KDM6B: variants seen among roughly 807,000 people sequenced by gnomAD.
KDM6B encodes lysine demethylase 6B, also known as lysine-specific demethylase 6B.
Under a neutral mutation model 150.4 loss-of-function variants are expected in KDM6B, and 22 were observed. The ratio of observed to expected loss-of-function variants is 0.15; its 90% CI spans 0.10 to 0.21. KDM6B has a LOEUF of 0.21. Ranked by LOEUF, KDM6B falls within the 10% of genes least tolerant of loss-of-function variation. The probability of loss-of-function intolerance (pLI) is 1.00; values close to 1 mark genes in which losing one functional copy is unlikely to be tolerated. For synonymous variants in KDM6B, 1,148 were observed against 921.1 expected, an observed-to-expected ratio of 1.25 and a Z score of -4.46; for missense variants, 1,984 against 2,234.3, an observed-to-expected ratio of 0.89 and a Z score of 2.26.
At chr17:7,853,156 G>A (rs774684578) in intron 22 of KDM6B, 30 bp downstream of exon 22, 2 of 1,614,058 alleles carry the variant, frequency 1.2e-6, no homozygotes, top group East Asian at 4.5e-5. Flanking sequence ...TGCTCTCCCT[G>A]AGTGTCCACA....
At chr17:7,835,821 C>G (rs775722559) in intron 1 of KDM6B, among the ~76,000 whole-genome samples, 4 of 151,890 alleles carry the variant, frequency 2.6e-5, no homozygotes, top group Non-Finnish European at 5.9e-5. Context: ...CCCCTCCCCT[C>G]GTGGAGTCTG....
chr17:7,847,831 G>GGCC lies in KDM6B; in HGVS notation c.1543_1544insGCC (p.Ala515delinsGlyPro). ...TGGGACTGAGGGACCCCCCCGCCCT[G>GGCC]CCCCACCACCCCTCCCCCATCGCGA... On this transcript the variant is annotated protein_altering_variant, in exon 12 of 24. Transcript: ENST00000448097. 3.4e-6 allele frequency: 3 copies of GGCC among 880,398 alleles called. No individual in the cohort carries two copies. Among genetic ancestry groups the GGCC allele is most frequent in the Non-Finnish European group, 4.4e-6 (3 of 676,906 alleles). The allele number at this position is 880,398 out of a possible 1,614,324, so 54.5% of individuals were successfully genotyped here.
At chr17:7,852,391 G>C in intron 20 of KDM6B, 55 bp downstream of exon 20, 1 of 1,599,278 alleles carries the variant, frequency 6.3e-7, no homozygotes, top group Non-Finnish European at 8.5e-7. Flanking sequence ...GCAAGGGCCT[G>C]GGAGGCTGGG....
intron 2 of KDM6B, chr17:7,840,719 G>C (rs1268480274): frequency 1.3e-5 from 2 of 152,170 alleles, no homozygotes; most frequent in Admixed American, 6.5e-5. Context: ...GGGGTTTCTC[G>C]AGTGGGACTG....
At chr17:7,834,720 A>G (rs1361060688) in intron 1 of KDM6B, among the ~76,000 whole-genome samples, 1 of 152,034 alleles carries the variant, frequency 6.6e-6, no homozygotes, top group Admixed American at 6.5e-5. Context: ...TGGCCCAGTA[A>G]GGTCAGATGT....
chr17:7,845,689 C>A lies in KDM6B; in HGVS notation c.135C>A (p.Gly45=). The A allele has an allele frequency of 6.2e-7, 1 of 1,614,136 alleles. No individual in the cohort carries two copies. Among genetic ancestry groups the A allele is most frequent in the Non-Finnish European group, 8.5e-7 (1 of 1,180,010 alleles). The change falls in exon 5 of 24, where the codon GGC becomes GGA. Residue 45 remains glycine, a splice_region_variant and synonymous_variant. Coordinates refer to ENST00000448097, the MANE Select transcript of KDM6B (RefSeq NM_001348716.2). The part of the protein sequence containing the change: ...PPPRSAWLPG[G]RCSASIGQPP... ...CTCGTAGCGCATGGCTGCCTGGAGGCAGGTGAGAAGTTGGGGCCCTCTGTC... is the reference window on the plus strand; with the variant it reads ...CTCGTAGCGCATGGCTGCCTGGAGGAAGGTGAGAAGTTGGGGCCCTCTGTC...
At chr17:7,835,271 G>T (rs914082693) in intron 1 of KDM6B, among the ~76,000 whole-genome samples, 6 of 152,220 alleles carry the variant, frequency 3.9e-5, no homozygotes, top group African/African-American at 1.4e-4. Context: ...GCTAAGCGAC[G>T]TAGATTCGCT....
Position 7,846,752 on chromosome 17 carries a change from G to A in KDM6B, c.711+12G>A. The stretch of plus-strand genomic sequence containing the variant: ...GCAACTCTGAACAGGTGTGGGTATA[G>A]GGGGGCCAGCAGGCAGTAAGTAGGC... On this transcript the variant is annotated intron_variant, in intron 9 of 23. Transcript: ENST00000448097. The A allele has an allele frequency of 6.2e-7, 1 of 1,613,964 alleles. No individual in the cohort carries two copies. The highest frequency in any genetic ancestry group is 8.5e-7 in the Non-Finnish European group (1 of 1,179,910).
In KDM6B at chr17:7,851,741, C is replaced by T. The variant is rs953376225; in HGVS notation, c.4110C>T (p.Ile1370=). 6.4e-7 allele frequency: 1 copy of T among 1,557,386 alleles called. No homozygotes were observed. ...TGCTGAGCCACGTGGGCCACACCAT[C>T]CTGGGCATGAACACGGTGCAGCTGT... The part of the protein sequence containing the change: ...GNMLSHVGHT[I]LGMNTVQLYM... The change falls in exon 18 of 24, where the codon ATC becomes ATT. Residue 1370 remains isoleucine, a synonymous_variant. Coordinates refer to ENST00000448097, the MANE Select transcript of KDM6B (RefSeq NM_001348716.2).
rs1038822795 is a variant in KDM6B, at chr17:7,854,265, T to A, written c.*744T>A. The A allele has an allele frequency of 1.3e-5, 2 of 152,674 alleles. No homozygotes were observed. The highest frequency in any genetic ancestry group is 1.9e-4 in the East Asian group (1 of 5,152). The allele number at this position is 152,674 out of a possible 1,614,324, so 9.5% of individuals were successfully genotyped here. ...GCCCGCGGCTCCAGCCGGGTTCTCA[T>A]GGTGCTCAAACCCGCTCCCCTCCCC... On this transcript the variant is annotated 3_prime_UTR_variant, in exon 24 of 24. Coordinates refer to ENST00000448097, the MANE Select transcript of KDM6B (RefSeq NM_001348716.2).
Position 7,848,248 on chromosome 17 carries a change from C to A in KDM6B, c.1960C>A (p.Gln654Lys). 1 of 1,612,458 alleles carries A rather than the reference C, an allele frequency of 6.2e-7. No individual in the cohort carries two copies. Among genetic ancestry groups the A allele is most frequent in the South Asian group, 1.1e-5 (1 of 91,080 alleles). ...CCCAGGCCCCCTGAGTAAAGCCCCC[C>A]AGCCTGTGCCGCCCGGGGTTGGGGA... ...PPPGPLSKAP[Q>K]PVPPGVGELP... Residue 654 changes from glutamine (Q) to lysine (K), a missense_variant, in exon 12 of 24, where the codon CAG becomes AAG. Coordinates refer to ENST00000448097, the MANE Select transcript of KDM6B (RefSeq NM_001348716.2).
In KDM6B at chr17:7,854,775, A is replaced by C; in HGVS notation, c.*1254A>C. The C allele has an allele frequency of 2.8e-6, 1 of 356,196 alleles. No individual in the cohort carries two copies. Among genetic ancestry groups the C allele is most frequent in the Non-Finnish European group, 5.2e-6 (1 of 192,550 alleles). The allele number at this position is 356,196 out of a possible 1,614,324, so 22.1% of individuals were successfully genotyped here. A position where few individuals can be genotyped will look rare whatever the true frequency, so the allele number is the denominator to read the frequency against. On this transcript the variant is annotated 3_prime_UTR_variant, in exon 24 of 24. Transcript: ENST00000448097. ...ATTTTTGTGTGAGAATATTAATATT[A>C]AAAATAAACGGAGAAAAAAAATCCT...
At chr17:7,836,346 T>C (rs4130668) in intron 1 of KDM6B, among the ~76,000 whole-genome samples, 105,158 of 152,142 alleles carry the variant, frequency 0.69, 37,177 homozygotes, top group East Asian at 0.83. Context: ...TCGTCCTTCT[T>C]CGCTTCTCCC....
chr17:7,850,988 TGCCCC>T lies in KDM6B; in HGVS notation c.3674-31_3674-27del, dbSNP rs777972912. 1.0e-5 allele frequency: 16 copies of T among 1,539,294 alleles called. No individual in the cohort carries two copies. In the East Asian group the frequency reaches 3.9e-4, roughly 38 times the overall value. ...GTCCTCGGTCCCTATCCTCTGCCTC[TGCCCC>T]GACACCCTGCTCGGCCCTCCCTTCC... On this transcript the variant is annotated intron_variant, in intron 14 of 23. Transcript: ENST00000448097.
intron 1 of KDM6B, among the ~76,000 whole-genome samples, chr17:7,834,875 C>A (rs2078300872): frequency 6.6e-6 from 1 of 152,084 alleles, no homozygotes; most frequent in Non-Finnish European, 1.5e-5. Context: ...CTTCTTCCCA[C>A]CACCCCCCTG....
At chr17:7,838,102 G>T (rs986923366) in intron 1 of KDM6B, among the ~76,000 whole-genome samples, 1 of 150,116 alleles carries the variant, frequency 6.7e-6, no homozygotes, top group Admixed American at 6.6e-5. Flanking sequence ...CAAGACCCCA[G>T]CCCCCTCCCG....
At position 7,846,947 on chromosome 17, in the gene KDM6B, G is replaced by C. The variant is rs1203268474; in HGVS notation, c.840G>C (p.Gly280=). 3 of 1,488,266 alleles carry C rather than the reference G, an allele frequency of 2.0e-6. No individual in the cohort carries two copies. The highest frequency in any genetic ancestry group is 2.7e-6 in the Non-Finnish European group (3 of 1,102,070). 92.2% of individuals were successfully genotyped at this position (1,488,266 alleles called of 1,614,324 possible). ...CCCCATTTCAGCTAACCAAGCCAGGGCTGTGGAGTACCCTGCATGGAGATG... is the reference window on the plus strand; with the variant it reads ...CCCCATTTCAGCTAACCAAGCCAGGCCTGTGGAGTACCCTGCATGGAGATG... ...TSPPFQLTKP[G]LWSTLHGDAW... The change falls in exon 10 of 24, where the codon GGG becomes GGC. Residue 280 remains glycine (G), a synonymous_variant. Coordinates refer to ENST00000448097, the MANE Select transcript of KDM6B (RefSeq NM_001348716.2).
At chr17:7,853,460 C>T in intron 23 of KDM6B, 38 bp from the exon 24 acceptor site, 2 of 1,512,162 alleles carry the variant, frequency 1.3e-6, no homozygotes, top group East Asian at 2.5e-5. Context: ...AGCCCGGCCG[C>T]GCCTTTCCCT....
At chr17:7,838,941 C>T (rs1567782461) in intron 1 of KDM6B, among the ~76,000 whole-genome samples, 3 of 151,964 alleles carry the variant, frequency 2.0e-5, no homozygotes, top group Non-Finnish European at 2.9e-5. Flanking sequence ...CAGAAGCTTG[C>T]GGAACATTGC....
Sources: gnomAD v4.1 joint callset for allele counts (sites outside exome capture counted in the v4.1 genomes callset) on GRCh38, gnomAD v4.1.1 for gene constraint, MANE v1.5 for transcripts, NCBI Gene and HGNC (gene_info 2026-07-23, HGNC 2026-07-21) for gene names.